Variants in WDR70 observed in about 807,000 individuals in gnomAD.
WDR70 encodes the protein WD repeat domain 70.
Under a neutral mutation model 88.6 loss-of-function variants are expected in WDR70, and 53 were observed. That is an observed-to-expected ratio of 0.60 (90% CI 0.48 to 0.75). WDR70 has a LOEUF of 0.75. WDR70 is among the 30% of genes least tolerant of loss of function. The pLI, the probability that WDR70 is intolerant of heterozygous loss-of-function variation, is 0.00. For missense variants in WDR70, 610 were observed against 823.2 expected, an observed-to-expected ratio of 0.74 and a Z score of 3.17; for synonymous variants, 280 against 270.0, an observed-to-expected ratio of 1.04 and a Z score of -0.36.
At chr5:37,430,395 CAATT>C (rs1750264945) in intron 5 of WDR70, among the ~76,000 whole-genome samples, 1 of 152,168 alleles carries the variant, frequency 6.6e-6, no homozygotes, top group Admixed American at 6.5e-5. Context: ...CACTGGGTGT[CAATT>C]AATTCTAGAA....
intron 10 of WDR70, among the ~76,000 whole-genome samples, chr5:37,633,347 A>G (rs1199684312): frequency 6.6e-6 from 1 of 152,124 alleles, no homozygotes; most frequent in Admixed American, 6.6e-5. Flanking sequence ...TGTACATTGA[A>G]GGAAATAATT....
chr5:37,420,524 C>T (rs1057293292), intron 5 of WDR70, among the ~76,000 whole-genome samples: 1 of 152,152 alleles, frequency 6.6e-6, no homozygotes, highest in Non-Finnish European at 1.5e-5. Flanking sequence ...ACTGCAACCT[C>T]GAACTCCTGG....
intron 9 of WDR70, among the ~76,000 whole-genome samples, chr5:37,564,308 G>A (rs1369898195): frequency 1.3e-5 from 2 of 152,238 alleles, no homozygotes; most frequent in Admixed American, 1.3e-4. Context: ...CAGATCACTC[G>A]TGGTTAGGAG....
chr5:37,383,377 A>C (rs1748493516), intron 3 of WDR70, among the ~76,000 whole-genome samples: 1 of 151,944 alleles, frequency 6.6e-6, no homozygotes, highest in Non-Finnish European at 1.5e-5. Flanking sequence ...CTCTTGCCTC[A>C]GCCTCCTGAG....
At chr5:37,569,026 C>A (rs1742824157) in intron 9 of WDR70, among the ~76,000 whole-genome samples, 1 of 152,086 alleles carries the variant, frequency 6.6e-6, no homozygotes, top group African/African-American at 2.4e-5. Flanking sequence ...TAGCCAGCCA[C>A]AATATATACA....
At position 37,597,515 on chromosome 5, in the gene WDR70, C is replaced by A. The variant is rs1581423588; in HGVS notation, c.918-7549C>A. 3.3e-5 allele frequency among the ~76,000 whole-genome samples: 5 copies of A among 152,224 alleles called. No homozygotes were observed. In the East Asian group the frequency reaches 9.6e-4, roughly 29 times the overall value. ...AACTTGATGAAATGTCTGTAAAAAT[C>A]TTTTCCCATTTTAAATATTGATTTA... is the stretch of plus-strand genomic sequence containing the variant. On this transcript the variant is annotated intron_variant, in intron 9 of 17. Transcript: ENST00000265107.
At chr5:37,556,691 A>G (rs910313608) in intron 9 of WDR70, among the ~76,000 whole-genome samples, 2 of 152,208 alleles carry the variant, frequency 1.3e-5, no homozygotes, top group Non-Finnish European at 2.9e-5. Flanking sequence ...ACTGTGGGAA[A>G]TTGCAGTAGC....
At chr5:37,540,472 C>T (rs996989137) in intron 9 of WDR70, among the ~76,000 whole-genome samples, 2 of 152,204 alleles carry the variant, frequency 1.3e-5, no homozygotes, top group African/African-American at 2.4e-5. Context: ...ATCTCCGCCT[C>T]CCAGGTTCAA....
Position 37,587,889 on chromosome 5 carries a change from C to T in WDR70, c.918-17175C>T, listed in dbSNP as rs1182376416. 3.3e-5 allele frequency among the ~76,000 whole-genome samples: 5 copies of T among 150,722 alleles called. No homozygotes were observed. In the South Asian group the frequency reaches 8.4e-4, roughly 25 times the overall value. ...CCACCTCCCGGGTTCAAGTGATTCT[C>T]GTGCCTCAGTCTCCCAAGTAGCTGG... On this transcript the variant is annotated intron_variant, in intron 9 of 17. Transcript: ENST00000265107.
chr5:37,544,597 A>G (rs541091043), intron 9 of WDR70, among the ~76,000 whole-genome samples: 7 of 152,162 alleles, frequency 4.6e-5, no homozygotes, highest in South Asian at 2.1e-4. Flanking sequence ...AGTGAGAACC[A>G]GAGGAACTTG....
intron 17 of WDR70, among the ~76,000 whole-genome samples, chr5:37,734,818 G>A (rs983124757): frequency 1.3e-5 from 2 of 152,034 alleles, no homozygotes; most frequent in Non-Finnish European, 2.9e-5. Context: ...AAGTGATCAT[G>A]GAATTTTTCT....
At position 37,515,775 on chromosome 5, in the gene WDR70, C is replaced by T. The variant is rs577701594; in HGVS notation, c.841-739C>T. 5.9e-5 allele frequency among the ~76,000 whole-genome samples: 9 copies of T among 152,276 alleles called. 1 individual carries two copies. In the South Asian group the frequency reaches 1.9e-3, roughly 32 times the overall value. ...AAAAAGACCAGGCTCTTTTCTATCC[C>T]ACGTAAATCTGACTTGCTGTATGAG... On this transcript the variant is annotated intron_variant, in intron 8 of 17. Coordinates refer to ENST00000265107, the MANE Select transcript of WDR70 (RefSeq NM_018034.4).
chr5:37,401,997 C>T (rs13355660), intron 5 of WDR70, among the ~76,000 whole-genome samples: 14,541 of 152,140 alleles, frequency 0.096, 2,274 homozygotes, highest in African/African-American at 0.33. Context: ...ACTATAGTTA[C>T]TTTACAATGC....
intron 9 of WDR70, among the ~76,000 whole-genome samples, chr5:37,551,991 C>T (rs558087076): frequency 7.9e-5 from 12 of 151,962 alleles, no homozygotes; most frequent in East Asian, 3.9e-4. Flanking sequence ...AGGCTGGTTT[C>T]GAACTCCTGA....
chr5:37,437,199 T>G (rs1398573339), intron 5 of WDR70, among the ~76,000 whole-genome samples: 2 of 152,172 alleles, frequency 1.3e-5, no homozygotes, highest in African/African-American at 2.4e-5. Context: ...CAATCCCACT[T>G]CAGTAAATGC....
chr5:37,518,307 A>G (rs1561884410), intron 9 of WDR70, among the ~76,000 whole-genome samples: 1 of 145,862 alleles, frequency 6.9e-6, no homozygotes, highest in Non-Finnish European at 1.5e-5. Context: ...CATTCTTTCT[A>G]TTTTTTTTTT....
intron 10 of WDR70, among the ~76,000 whole-genome samples, chr5:37,624,524 A>G (rs985252990): frequency 6.6e-6 from 1 of 152,174 alleles, no homozygotes; most frequent in Non-Finnish European, 1.5e-5. Flanking sequence ...TCTTTTTGAC[A>G]CACTGATTTT....
At chr5:37,750,460 CG>C (rs1021015908) in intron 17 of WDR70, among the ~76,000 whole-genome samples, 1 of 152,086 alleles carries the variant, frequency 6.6e-6, no homozygotes, top group Non-Finnish European at 1.5e-5. Flanking sequence ...CACTTGAGCC[CG>C]GAAGTTCAGT....
intron 10 of WDR70, among the ~76,000 whole-genome samples, chr5:37,628,639 A>G (rs1744734373): frequency 6.6e-6 from 1 of 152,164 alleles, no homozygotes; most frequent in Non-Finnish European, 1.5e-5. Context: ...TTGTTTTTTC[A>G]TTCATTCAAA....
Sources: allele counts gnomAD v4.1 joint callset (sites outside exome capture counted in the v4.1 genomes callset), GRCh38; gene constraint gnomAD v4.1.1; transcripts MANE v1.5; gene names NCBI Gene and HGNC (gene_info 2026-07-23, HGNC 2026-07-21).